TSHZ2: variants seen among roughly 807,000 people sequenced by gnomAD.
TSHZ2 encodes the protein teashirt homolog 2.
A neutral mutation model predicts 74.4 loss-of-function variants in TSHZ2; 21 were observed. The ratio of observed to expected loss-of-function variants is 0.28; its 90% CI spans 0.20 to 0.41. The LOEUF is 0.41. Ranked by LOEUF, TSHZ2 falls within the 10% of genes least tolerant of loss-of-function variation. The pLI, the probability that TSHZ2 is intolerant of heterozygous loss-of-function variation, is 1.00. For synonymous variants in TSHZ2, 540 were observed against 515.3 expected (o/e 1.05, Z -0.65); for missense variants, 1,244 against 1,293.5 (o/e 0.96, Z 0.59).
At chr20:53,137,874 T>A (rs904332632) in intron 1 of TSHZ2, among the ~76,000 whole-genome samples, 3 of 152,188 alleles carry the variant, frequency 2.0e-5, no homozygotes, top group African/African-American at 7.2e-5. Flanking sequence ...TACAAATGAA[T>A]ACATTTCATT....
chr20:53,193,231 A>T (rs2123550566), intron 1 of TSHZ2, among the ~76,000 whole-genome samples: 1 of 152,028 alleles, frequency 6.6e-6, no homozygotes, highest in Middle Eastern at 3.5e-3. Context: ...TCAGAAAAGG[A>T]TCTCATATCA....
chr20:53,076,965 G>A (rs1985384136), intron 1 of TSHZ2, among the ~76,000 whole-genome samples: 1 of 152,182 alleles, frequency 6.6e-6, no homozygotes, highest in Non-Finnish European at 1.5e-5. Flanking sequence ...AAGAATCATG[G>A]TATTCCTAAG....
At chr20:53,193,952 C>T (rs1988800767) in intron 1 of TSHZ2, among the ~76,000 whole-genome samples, 2 of 152,206 alleles carry the variant, frequency 1.3e-5, no homozygotes, top group African/African-American at 2.4e-5. Context: ...TCATTTCCCT[C>T]CTCCTCAGTG....
At chr20:53,420,556 C>A (rs1416526435) in intron 2 of TSHZ2, among the ~76,000 whole-genome samples, 2 of 152,152 alleles carry the variant, frequency 1.3e-5, no homozygotes, top group African/African-American at 2.4e-5. Flanking sequence ...GAAACCCCAT[C>A]TCTACTAAAA....
At chr20:53,086,304 G>C (rs1271713125) in intron 1 of TSHZ2, among the ~76,000 whole-genome samples, 4 of 152,134 alleles carry the variant, frequency 2.6e-5, no homozygotes, top group African/African-American at 4.8e-5. Flanking sequence ...GAACCAAAAG[G>C]TATATGTGTT....
In TSHZ2 at chr20:52,972,728, G is replaced by A. The variant is rs889579810; in HGVS notation, c.-566G>A. 68 of 155,566 alleles carry A rather than the reference G, an allele frequency of 4.4e-4. No individual in the cohort carries two copies. The highest frequency in any genetic ancestry group is 1.5e-3 in the African/African-American group (55 of 37,572). The allele number at this position is 155,566 out of a possible 1,614,324, so 9.6% of individuals were successfully genotyped here. A position where few individuals can be genotyped will look rare whatever the true frequency, so the allele number is the denominator to read the frequency against. On this transcript the variant is annotated 5_prime_UTR_variant, in exon 1 of 3. Transcript: ENST00000371497. Reference sequence around the variant, plus strand: ...AGGAGGAGGAGGAGGAAGAAAAGAAGGAGGAGGTGGAGGAGGAGGTGGAGG... The same window carrying A: ...AGGAGGAGGAGGAGGAAGAAAAGAAAGAGGAGGTGGAGGAGGAGGTGGAGG...
At chr20:53,088,186 A>C (rs1985756190) in intron 1 of TSHZ2, among the ~76,000 whole-genome samples, 2 of 152,194 alleles carry the variant, frequency 1.3e-5, no homozygotes, top group Non-Finnish European at 2.9e-5. Flanking sequence ...GAGGTCCAGC[A>C]CTGGGGCTTA....
intron 1 of TSHZ2, among the ~76,000 whole-genome samples, chr20:52,977,904 G>T (rs1981406595): frequency 6.6e-6 from 1 of 152,104 alleles, no homozygotes; most frequent in Admixed American, 6.5e-5. Context: ...GATTACTTTT[G>T]GGGAGGGGAG....
At chr20:53,102,876 T>A (rs984577536) in intron 1 of TSHZ2, among the ~76,000 whole-genome samples, 7 of 148,904 alleles carry the variant, frequency 4.7e-5, no homozygotes, top group Non-Finnish European at 9.0e-5. Flanking sequence ...CTTTCTTTTT[T>A]TTTTTTATTA....
At chr20:53,029,916 C>G (rs1466451103) in intron 1 of TSHZ2, among the ~76,000 whole-genome samples, 1 of 152,030 alleles carries the variant, frequency 6.6e-6, no homozygotes, top group Non-Finnish European at 1.5e-5. Context: ...TTAAAAATGC[C>G]TATGACTGCC....
At chr20:53,056,360 G>A (rs774569693) in intron 1 of TSHZ2, among the ~76,000 whole-genome samples, 10 of 152,160 alleles carry the variant, frequency 6.6e-5, no homozygotes, top group Non-Finnish European at 1.3e-4. Flanking sequence ...CCAGACCCTT[G>A]AACTGGATGA....
In TSHZ2 at chr20:53,014,911, T is replaced by C. The variant is rs112117367; in HGVS notation, c.40+41578T>C. On this transcript the variant is annotated intron_variant, in intron 1 of 2. Transcript: ENST00000371497. Reference sequence around the variant, plus strand: ...ATGGATACATTTTGTAATGTCACCCTGTGTTTAAAACTCCCAATAACTTCC... The same window carrying C: ...ATGGATACATTTTGTAATGTCACCCCGTGTTTAAAACTCCCAATAACTTCC... Among the ~76,000 whole-genome samples, 670 of 152,316 alleles carry C rather than the reference T, an allele frequency of 4.4e-3. 4 individuals carry two copies. The highest frequency in any genetic ancestry group is 0.015 in the African/African-American group (635 of 41,568).
chr20:53,144,614 T>A (rs1032927149), intron 1 of TSHZ2, among the ~76,000 whole-genome samples: 2 of 152,216 alleles, frequency 1.3e-5, no homozygotes, highest in African/African-American at 4.8e-5. Flanking sequence ...GGTATTATTA[T>A]TATTCCACTG....
chr20:53,396,180 A>G (rs949132198), intron 2 of TSHZ2, among the ~76,000 whole-genome samples: 1 of 151,968 alleles, frequency 6.6e-6, no homozygotes, highest in Non-Finnish European at 1.5e-5. Flanking sequence ...CTCGTGATCC[A>G]CCCGCCTTGG....
At position 53,347,829 on chromosome 20, in the gene TSHZ2, A is replaced by G. The variant is rs368206473; in HGVS notation, c.*8+91258A>G. ...TTAATTATGGTAAAATATACATAAC[A>G]TAAAATTCACCGTTTTAAGTATCAT... On this transcript the variant is annotated intron_variant, in intron 2 of 2. Transcript: ENST00000371497. Among the ~76,000 whole-genome samples, 19 of 152,322 alleles carry G rather than the reference A, an allele frequency of 1.2e-4. No homozygotes were observed. The South Asian group carries it at 3.5e-3, about 28-fold the overall frequency.
intron 1 of TSHZ2, among the ~76,000 whole-genome samples, chr20:53,155,052 A>AT (rs11475183): frequency 0.053 from 6,269 of 118,058 alleles, 176 homozygotes; most frequent in African/African-American, 0.08. Flanking sequence ...TTGAATATGC[A>AT]TTTTTTTTTT....
intron 1 of TSHZ2, among the ~76,000 whole-genome samples, chr20:53,086,210 G>C (rs1043195876): frequency 1.3e-5 from 2 of 152,224 alleles, no homozygotes; most frequent in Non-Finnish European, 2.9e-5. Context: ...AAATGTCTAA[G>C]GAGGGCGCTG....
At chr20:53,023,926 C>A (rs936652817) in intron 1 of TSHZ2, among the ~76,000 whole-genome samples, 1 of 151,958 alleles carries the variant, frequency 6.6e-6, no homozygotes, top group Non-Finnish European at 1.5e-5. Context: ...TCTGTTTGCA[C>A]CATTAGTGTT....
chr20:53,307,022 G>T lies in TSHZ2; in HGVS notation c.*8+50451G>T, dbSNP rs557073429. Reference sequence around the variant, plus strand: ...GTGAGGAACCACCCCAAGTTTGTCCGGACTGAGGCATTTCCCAGGACACAG... The same window carrying T: ...GTGAGGAACCACCCCAAGTTTGTCCTGACTGAGGCATTTCCCAGGACACAG... On this transcript the variant is annotated intron_variant, in intron 2 of 2. Transcript: ENST00000371497. 2.6e-5 allele frequency among the ~76,000 whole-genome samples: 4 copies of T among 152,236 alleles called. No homozygotes were observed. The South Asian group carries it at 6.2e-4, about 24-fold the overall frequency.
Sources: allele counts gnomAD v4.1 joint callset (sites outside exome capture counted in the v4.1 genomes callset), GRCh38; gene constraint gnomAD v4.1.1; transcripts MANE v1.5; gene names NCBI Gene and HGNC (gene_info 2026-07-23, HGNC 2026-07-21).